PPP2R2C: variants seen among roughly 807,000 people sequenced by gnomAD.
PPP2R2C encodes protein phosphatase 2, regulatory subunit B, gamma.
In PPP2R2C, 10 loss-of-function variants were observed where a neutral mutation model predicts 45.3. The ratio of observed to expected loss-of-function variants is 0.22; its 90% CI spans 0.14 to 0.37. The LOEUF is 0.37. Among genes scored for constraint, PPP2R2C ranks in the 10% least tolerant of loss-of-function variants. The pLI is 1.00. For missense variants in PPP2R2C, 308 were observed against 619.7 expected, an observed-to-expected ratio of 0.50 and a Z score of 5.34; for synonymous variants, 257 against 245.4, an observed-to-expected ratio of 1.05 and a Z score of -0.44.
intron 1 of PPP2R2C, among the ~76,000 whole-genome samples, chr4:6,469,730 C>T (rs976567410): frequency 6.6e-6 from 1 of 152,230 alleles, no homozygotes; most frequent in Non-Finnish European, 1.5e-5. Context: ...TCAAGTCTGA[C>T]ATTCTGACAT....
Position 6,349,480 on chromosome 4 carries a change from A to T in PPP2R2C, c.626-1470T>A, listed in dbSNP as rs193114574. ...TCAATGAATGTCAGTTTCCATTTTT[A>T]TTATTTTCTATCTGGAAAATACTGA... On this transcript the variant is annotated intron_variant, in intron 5 of 8. Transcript: ENST00000382599. The T allele has an allele frequency of 7.8e-5, 77 of 985,234 alleles. No homozygotes were observed. The African/African-American group carries it at 1.2e-3, about 16-fold the overall frequency. 61.0% of individuals were successfully genotyped at this position (985,234 alleles called of 1,614,324 possible).
At chr4:6,348,382 A>G in intron 5 of PPP2R2C, among the ~76,000 whole-genome samples, 1 of 151,796 alleles carries the variant, frequency 6.6e-6, no homozygotes, top group Non-Finnish European at 1.5e-5. Context: ...CAAGCAGAAG[A>G]AAAAGAGCAT....
chr4:6,358,086 T>C (rs1329232338), intron 5 of PPP2R2C, among the ~76,000 whole-genome samples: 5 of 152,138 alleles, frequency 3.3e-5, no homozygotes, highest in African/African-American at 1.2e-4. Flanking sequence ...CTTCAAACTA[T>C]GCTACAAAGC....
intron 6 of PPP2R2C, among the ~76,000 whole-genome samples, chr4:6,334,506 C>G: frequency 6.6e-6 from 1 of 152,262 alleles, no homozygotes; most frequent in South Asian, 2.1e-4. Context: ...CCTTCCTGAG[C>G]TGCAGAAGTT....
At chr4:6,531,561 CTTT>C (rs11327901) in intron 2 of PPP2R2C, among the ~76,000 whole-genome samples, 179 of 143,802 alleles carry the variant, frequency 1.2e-3, no homozygotes, top group Middle Eastern at 3.6e-3. Flanking sequence ...TCCCGTTTTC[CTTT>C]TTTTTTTTTT....
intron 1 of PPP2R2C, among the ~76,000 whole-genome samples, chr4:6,541,745 G>T (rs780296679): frequency 6.6e-5 from 10 of 152,124 alleles, no homozygotes; most frequent in Admixed American, 3.9e-4. Flanking sequence ...GGCCAGGCTG[G>T]TCTCAAACTC....
chr4:6,361,458 C>CCTTT (rs1335868915), intron 5 of PPP2R2C, among the ~76,000 whole-genome samples: 10 of 152,236 alleles, frequency 6.6e-5, no homozygotes, highest in African/African-American at 2.4e-5. Context: ...GAAAACTCAG[C>CCTTT]CTTTCTGTGC....
intron 2 of PPP2R2C, among the ~76,000 whole-genome samples, chr4:6,534,280 C>T (rs1365421502): frequency 6.6e-6 from 1 of 151,044 alleles, no homozygotes; most frequent in African/African-American, 2.4e-5. Flanking sequence ...GCAAGACACA[C>T]ACATATCCCA....
chr4:6,369,259 T>C (rs1301806443), intron 5 of PPP2R2C, among the ~76,000 whole-genome samples: 2 of 152,226 alleles, frequency 1.3e-5, no homozygotes, highest in Non-Finnish European at 2.9e-5. Flanking sequence ...CACATGGGGC[T>C]GGTGGCTGCC....
chr4:6,333,757 G>A (rs369290850), intron 6 of PPP2R2C, 26 bp from the exon 7 acceptor site: 67 of 1,613,148 alleles, frequency 4.2e-5, no homozygotes, highest in South Asian at 3.3e-4. Context: ...AGCAATGGCC[G>A]TCACTGCGCT....
At chr4:6,335,621 GC>G (rs1732786312) in intron 6 of PPP2R2C, among the ~76,000 whole-genome samples, 1 of 152,072 alleles carries the variant, frequency 6.6e-6, no homozygotes, top group Non-Finnish European at 1.5e-5. Flanking sequence ...GGAGGGGCAG[GC>G]AGGAGGCTGG....
rs1414296296 is a variant in PPP2R2C at position 6,382,390 on chromosome 4, G to A, written c.71-1296C>T. On this transcript the variant is annotated intron_variant, in intron 1 of 8. Transcript: ENST00000382599. ...GACCGTTGCTCCCTGTAGCCACAGAGAGGACACTCCACAGGGTTCCCTGTC... is the reference window on the plus strand; with the variant it reads ...GACCGTTGCTCCCTGTAGCCACAGAAAGGACACTCCACAGGGTTCCCTGTC... The A allele has an allele frequency of 3.7e-6, 5 of 1,349,536 alleles. No individual in the cohort carries two copies. In the African/African-American group the frequency reaches 4.4e-5, roughly 12 times the overall value. 83.6% of individuals were successfully genotyped at this position (1,349,536 alleles called of 1,614,324 possible).
At chr4:6,425,207 C>A (rs55944500) in intron 1 of PPP2R2C, among the ~76,000 whole-genome samples, 2 of 152,074 alleles carry the variant, frequency 1.3e-5, no homozygotes, top group East Asian at 1.9e-4. Flanking sequence ...GTCCCCCCAC[C>A]CTATAATTCC....
At chr4:6,358,738 T>G (rs955917538) in intron 5 of PPP2R2C, among the ~76,000 whole-genome samples, 1 of 152,152 alleles carries the variant, frequency 6.6e-6, no homozygotes, top group Non-Finnish European at 1.5e-5. Context: ...AACAGACACA[T>G]GAAAAGATGC....
intron 2 of PPP2R2C, among the ~76,000 whole-genome samples, chr4:6,493,030 A>C (rs1022303242): frequency 2.0e-5 from 3 of 151,956 alleles, no homozygotes; most frequent in Admixed American, 2.0e-4. Context: ...CCAGCTCAAC[A>C]TGCATACCCT....
chr4:6,382,128 A>C (rs1318297313), intron 1 of PPP2R2C: 1 of 1,260,104 alleles, frequency 7.9e-7, no homozygotes, highest in African/African-American at 1.5e-5. Flanking sequence ...TAATATTTGA[A>C]AAGTAGAAGA....
chr4:6,395,573 T>C lies in PPP2R2C; in HGVS notation c.71-14479A>G, dbSNP rs550058240. ...CCCTGTGAAGGTGTGGGGTAGGGTG[T>C]GGGCAGAGGCGGGACCCCCCACAGC... is the stretch of plus-strand genomic sequence containing the variant. On this transcript the variant is annotated intron_variant, in intron 1 of 8. Transcript: ENST00000382599. 1.3e-4 allele frequency among the ~76,000 whole-genome samples: 20 copies of C among 152,138 alleles called. No individual in the cohort carries two copies. In the South Asian group the frequency reaches 3.3e-3, roughly 25 times the overall value.
chr4:6,494,435 G>T (rs76454085), intron 2 of PPP2R2C, among the ~76,000 whole-genome samples: 1 of 152,156 alleles, frequency 6.6e-6, no homozygotes, highest in Non-Finnish European at 1.5e-5. Flanking sequence ...AGCACCTCCC[G>T]CATGCCAGGC....
chr4:6,426,392 C>T (rs1719335102), intron 1 of PPP2R2C, among the ~76,000 whole-genome samples: 3 of 152,196 alleles, frequency 2.0e-5, no homozygotes, highest in African/African-American at 7.2e-5. Flanking sequence ...CTACTGTGTG[C>T]TGGCTCCAGG....
Sources: allele counts gnomAD v4.1 joint callset (sites outside exome capture counted in the v4.1 genomes callset), GRCh38; gene constraint gnomAD v4.1.1; transcripts MANE v1.5; gene names NCBI Gene and HGNC (gene_info 2026-07-23, HGNC 2026-07-21).